Variants in PARD3 observed in about 807,000 individuals in gnomAD.
PARD3 encodes partitioning defective 3 homolog.
Under a neutral mutation model 155.4 loss-of-function variants are expected in PARD3, and 75 were observed. The observed-to-expected ratio is 0.48, with a 90% confidence interval of 0.40 to 0.58. The LOEUF (loss-of-function observed/expected upper bound fraction) is 0.58. Ranked by LOEUF, PARD3 falls within the 20% of genes least tolerant of loss-of-function variation. The pLI is 0.00. For synonymous variants in PARD3, 576 were observed against 610.5 expected (o/e 0.94, Z 0.83); for missense variants, 1,642 against 1,721.7 (o/e 0.95, Z 0.82).
chr10:34,659,377 T>G (rs1590460448), intron 2 of PARD3, among the ~76,000 whole-genome samples: 2 of 152,314 alleles, frequency 1.3e-5, no homozygotes, highest in East Asian at 3.9e-4. Flanking sequence ...TTTATTGAAC[T>G]CCTATGTATC....
intron 15 of PARD3, chr10:34,343,517 C>A (rs1837053720): frequency 1.0e-6 from 1 of 985,188 alleles, no homozygotes; most frequent in Non-Finnish European, 1.2e-6. Flanking sequence ...TTTTTTCTCA[C>A]CCATGATTTG....
chr10:34,700,405 C>T (rs1233927994), intron 1 of PARD3, among the ~76,000 whole-genome samples: 6 of 152,302 alleles, frequency 3.9e-5, no homozygotes, highest in Admixed American at 2.6e-4. Context: ...AGTCCTAAGG[C>T]GAGCTTTTGT....
At chr10:34,389,660 A>G (rs573709700) in intron 7 of PARD3, among the ~76,000 whole-genome samples, 1 of 152,344 alleles carries the variant, frequency 6.6e-6, no homozygotes, top group East Asian at 1.9e-4. Flanking sequence ...GGAAGGCAGA[A>G]TATGAGTGGG....
intron 3 of PARD3, chr10:34,488,551 C>A (rs938897158): frequency 6.6e-6 from 1 of 152,136 alleles, no homozygotes; most frequent in Non-Finnish European, 1.5e-5. Context: ...GGGAAGTGGG[C>A]CTCTCACGGA....
intron 1 of PARD3, among the ~76,000 whole-genome samples, chr10:34,746,080 C>T (rs764670676): frequency 4.0e-5 from 6 of 151,630 alleles, no homozygotes; most frequent in East Asian, 1.9e-4. Flanking sequence ...CCAGCCTGGG[C>T]GACAGAGCAA....
In PARD3 at chr10:34,502,785, T is replaced by C. The variant is rs913159058; in HGVS notation, c.403+14194A>G. On this transcript the variant is annotated intron_variant, in intron 3 of 24. Coordinates refer to ENST00000374788, the MANE Select transcript of PARD3 (RefSeq NM_001184785.2). ...AAACAAAAACAAAAAACAACAACTT[T>C]GATTAAACTAATTTCCCACTTTTGA... is the stretch of plus-strand genomic sequence containing the variant. 1.6e-4 allele frequency among the ~76,000 whole-genome samples: 24 copies of C among 152,042 alleles called. 1 individual carries two copies. Among genetic ancestry groups the C allele is most frequent in the Admixed American group, 6.6e-5 (1 of 15,248 alleles).
chr10:34,783,430 C>T (rs1413921831), intron 1 of PARD3, among the ~76,000 whole-genome samples: 1 of 151,620 alleles, frequency 6.6e-6, no homozygotes, highest in East Asian at 2.0e-4. Flanking sequence ...TGGTGAAACC[C>T]CGTCTTCACT....
At chr10:34,658,105 C>G (rs1475450325) in intron 2 of PARD3, among the ~76,000 whole-genome samples, 3 of 150,206 alleles carry the variant, frequency 2.0e-5, no homozygotes, top group Non-Finnish European at 4.4e-5. Flanking sequence ...GAGATTGCGC[C>G]ACTGCACTCC....
intron 1 of PARD3, among the ~76,000 whole-genome samples, chr10:34,802,899 G>C (rs1215964992): frequency 6.6e-6 from 1 of 151,852 alleles, no homozygotes; most frequent in East Asian, 1.9e-4. Context: ...TTTGAACCCA[G>C]ACAACAACCC....
chr10:34,701,921 G>A (rs2133545005), intron 1 of PARD3, among the ~76,000 whole-genome samples: 1 of 152,258 alleles, frequency 6.6e-6, no homozygotes, highest in Non-Finnish European at 1.5e-5. Context: ...CTAGCACTTT[G>A]GGAGGCCAAG....
At chr10:34,600,959 TTAA>T in intron 2 of PARD3, among the ~76,000 whole-genome samples, 1 of 144,666 alleles carries the variant, frequency 6.9e-6, no homozygotes, top group South Asian at 2.1e-4. Flanking sequence ...GCCCATTTTT[TTAA>T]TTTTTTTTTT....
At chr10:34,581,845 CGAT>C (rs1373797669) in intron 2 of PARD3, among the ~76,000 whole-genome samples, 2 of 152,098 alleles carry the variant, frequency 1.3e-5, no homozygotes, top group African/African-American at 2.4e-5. Context: ...CTCACAATAA[CGAT>C]ATTATGGGCA....
intron 3 of PARD3, among the ~76,000 whole-genome samples, chr10:34,501,161 C>A (rs1334824525): frequency 6.6e-6 from 1 of 152,126 alleles, no homozygotes; most frequent in Non-Finnish European, 1.5e-5. Flanking sequence ...TTGCCCCCTG[C>A]CCAAATTTCA....
intron 1 of PARD3, among the ~76,000 whole-genome samples, chr10:34,751,767 C>T (rs1836067350): frequency 1.4e-5 from 2 of 144,790 alleles, no homozygotes; most frequent in African/African-American, 5.1e-5. Context: ...CCATGCCTGT[C>T]TAGCTTTTTT....
At chr10:34,114,309 T>G (rs2132638713) in intron 24 of PARD3, among the ~76,000 whole-genome samples, 1 of 152,292 alleles carries the variant, frequency 6.6e-6, no homozygotes, top group South Asian at 2.1e-4. Context: ...GGGAGGCATC[T>G]TTTTGACCAA....
At chr10:34,255,427 T>A (rs1213830967) in intron 22 of PARD3, among the ~76,000 whole-genome samples, 1 of 152,246 alleles carries the variant, frequency 6.6e-6, no homozygotes, top group Non-Finnish European at 1.5e-5. Context: ...GAGTTAAATT[T>A]TTATTTTACC....
intron 1 of PARD3, among the ~76,000 whole-genome samples, chr10:34,784,121 G>A (rs531003384): frequency 3.8e-4 from 58 of 152,234 alleles, no homozygotes; most frequent in Admixed American, 8.5e-4. Flanking sequence ...TGAGGCAGGA[G>A]GATTGCTAGA....
At chr10:34,670,077 ATTGACTTTTTAATT>A (rs1392538700) in intron 2 of PARD3, among the ~76,000 whole-genome samples, 2 of 152,190 alleles carry the variant, frequency 1.3e-5, no homozygotes, top group Non-Finnish European at 2.9e-5. Context: ...AGACTTGTAT[ATTGACTTTTTAATT>A]TTGACCCCAA....
chr10:34,753,353 G>A (rs1466552667), intron 1 of PARD3, among the ~76,000 whole-genome samples: 1 of 152,194 alleles, frequency 6.6e-6, no homozygotes, highest in African/African-American at 2.4e-5. Flanking sequence ...CAAGCCCTGA[G>A]CCCTGTGTGC....
Sources: gnomAD v4.1 joint callset for allele counts (sites outside exome capture counted in the v4.1 genomes callset) on GRCh38, gnomAD v4.1.1 for gene constraint, MANE v1.5 for transcripts, NCBI Gene and HGNC (gene_info 2026-07-23, HGNC 2026-07-21) for gene names.